NLRP11: variants seen among roughly 807,000 people sequenced by gnomAD.
The protein encoded by NLRP11 is NACHT, LRR and PYD domains-containing protein 11.
In NLRP11, 53 loss-of-function variants were observed where a neutral mutation model predicts 79.3. The observed-to-expected ratio is 0.67, with a 90% CI of 0.54 to 0.84. The LOEUF (loss-of-function observed/expected upper bound fraction) is 0.84, where lower values mean the gene tolerates loss of function less well. Ranked by LOEUF, NLRP11 falls within the 40% of genes least tolerant of loss-of-function variation. The probability of loss-of-function intolerance (pLI) is 0.00; values close to 1 mark genes in which losing one functional copy is unlikely to be tolerated. For synonymous variants in NLRP11, 518 were observed against 462.6 expected, an observed-to-expected ratio of 1.12 and a Z score of -1.54; for missense variants, 1,264 against 1,255.0, an observed-to-expected ratio of 1.01 and a Z score of -0.11.
At chr19:55,807,483 T>C (rs1020932912) in intron 4 of NLRP11, among the ~76,000 whole-genome samples, 1 of 152,068 alleles carries the variant, frequency 6.6e-6, no homozygotes, top group Non-Finnish European at 1.5e-5. Context: ...TCCCCCTTTG[T>C]AGTTATATGA....
intron 6 of NLRP11, 47 bp from the exon 7 acceptor site, chr19:55,792,518 G>A (rs1399314520): frequency 1.3e-6 from 2 of 1,552,834 alleles, no homozygotes; most frequent in East Asian, 2.2e-5. Context: ...GCACCAGAGA[G>A]GGGAGCACCT....
intron 4 of NLRP11, among the ~76,000 whole-genome samples, chr19:55,802,456 A>C (rs1979570568): frequency 6.6e-6 from 1 of 152,258 alleles, no homozygotes; most frequent in African/African-American, 2.4e-5. Flanking sequence ...AATACAGCTA[A>C]CCAGAGAGGT....
chr19:55,789,828 T>A (rs1295636072), intron 7 of NLRP11, among the ~76,000 whole-genome samples: 1 of 152,200 alleles, frequency 6.6e-6, no homozygotes. Context: ...ATTCTTTCTA[T>A]AAAGAGGATT....
intron 2 of NLRP11, among the ~76,000 whole-genome samples, chr19:55,811,894 A>G (rs1980636467): frequency 6.6e-6 from 1 of 152,088 alleles, no homozygotes; most frequent in Admixed American, 6.6e-5. Context: ...CATAGTTTAC[A>G]AATATATTCT....
chr19:55,790,724 G>T (rs1237162557), intron 7 of NLRP11, among the ~76,000 whole-genome samples: 1 of 152,224 alleles, frequency 6.6e-6, no homozygotes, highest in Non-Finnish European at 1.5e-5. Flanking sequence ...CTACTCAGGA[G>T]GCTGAGACAG....
At chr19:55,828,751 TTTAA>T (rs1238562767) in intron 1 of NLRP11, among the ~76,000 whole-genome samples, 2 of 152,212 alleles carry the variant, frequency 1.3e-5, no homozygotes, top group Non-Finnish European at 2.9e-5. Flanking sequence ...GGACTTAATA[TTTAA>T]TTAAGAAATA....
upstream of NLRP11, chr19:55,832,012 C>A (rs302475): frequency 0.098 from 14,969 of 152,272 alleles, 985 homozygotes; most frequent in East Asian, 0.28. Flanking sequence ...ACAAGCTAGG[C>A]AGCGGGAAGA....
At chr19:55,797,462 A>C (rs1439757755) in intron 5 of NLRP11, among the ~76,000 whole-genome samples, 8 of 152,216 alleles carry the variant, frequency 5.3e-5, no homozygotes, top group Admixed American at 4.6e-4. Flanking sequence ...TGTTATTTTC[A>C]GGCATTGTAT....
At chr19:55,829,265 T>G (rs1982517987) in intron 1 of NLRP11, among the ~76,000 whole-genome samples, 1 of 152,106 alleles carries the variant, frequency 6.6e-6, no homozygotes, top group African/African-American at 2.4e-5. Flanking sequence ...GGAATACTCT[T>G]TAAATCATCC....
chr19:55,817,858 G>T, intron 2 of NLRP11, 46 bp downstream of exon 2: 23 of 1,418,718 alleles, frequency 1.6e-5, no homozygotes, highest in East Asian at 2.4e-5. Context: ...CCAGCTTCCT[G>T]TGAAGTGCCC....
At chr19:55,822,925 C>T (rs1981923440) in intron 1 of NLRP11, among the ~76,000 whole-genome samples, 2 of 152,210 alleles carry the variant, frequency 1.3e-5, no homozygotes, top group African/African-American at 4.8e-5. Context: ...CTCAAGGAGG[C>T]CTGCCTGCCT....
chr19:55,821,287 C>A (rs2616948), intron 1 of NLRP11, among the ~76,000 whole-genome samples: 36,442 of 150,366 alleles, frequency 0.24, 5,772 homozygotes, highest in African/African-American at 0.45. Context: ...TCCACAGCAG[C>A]CAATACCTCG....
At chr19:55,836,554 C>A (rs1027256052), upstream of NLRP11, 1 of 152,336 alleles carries the variant, frequency 6.6e-6, no homozygotes, top group African/African-American at 2.4e-5. Flanking sequence ...ACCAGGAAGG[C>A]GTGGAGCGGT....
At chr19:55,815,776 C>T (rs906159156) in intron 2 of NLRP11, among the ~76,000 whole-genome samples, 1 of 151,984 alleles carries the variant, frequency 6.6e-6, no homozygotes, top group South Asian at 2.1e-4. Context: ...TTCTCAGAGG[C>T]AGAGATGGAG....
chr19:55,808,737 C>CTTTATT (rs1179588961), intron 3 of NLRP11, 32 bp downstream of exon 3: 1 of 1,562,084 alleles, frequency 6.4e-7, no homozygotes, highest in Non-Finnish European at 8.6e-7. Flanking sequence ...CTTAGGAAGA[C>CTTTATT]AGGAAAGAGG....
At chr19:55,823,113 C>T (rs1230402216) in intron 1 of NLRP11, among the ~76,000 whole-genome samples, 21 of 146,920 alleles carry the variant, frequency 1.4e-4, no homozygotes, top group African/African-American at 4.7e-4. Flanking sequence ...CCCCTGACCC[C>T]CAAGCAGCCT....
At chr19:55,821,263 G>A (rs1981704059) in intron 1 of NLRP11, among the ~76,000 whole-genome samples, 2 of 148,122 alleles carry the variant, frequency 1.4e-5, no homozygotes, top group African/African-American at 2.5e-5. Context: ...CAAGCACTGA[G>A]TTTGTAATGA....
intron 2 of NLRP11, among the ~76,000 whole-genome samples, chr19:55,815,077 A>T (rs1980963245): frequency 7.0e-6 from 1 of 143,272 alleles, no homozygotes; most frequent in Admixed American, 6.7e-5. Flanking sequence ...GTATGGCCTC[A>T]AAATAGAGAA....
intron 1 of NLRP11, among the ~76,000 whole-genome samples, chr19:55,823,047 A>G (rs111766073): frequency 2.0e-5 from 3 of 149,298 alleles, no homozygotes; most frequent in African/African-American, 5.0e-5. Context: ...TGGTTCTCCC[A>G]GCACGCAGCT....
Sources: gnomAD v4.1 joint callset for allele counts (sites outside exome capture counted in the v4.1 genomes callset) on GRCh38, gnomAD v4.1.1 for gene constraint, MANE v1.5 for transcripts, NCBI Gene and HGNC (gene_info 2026-07-23, HGNC 2026-07-21) for gene names.